BPIFB3: variants seen among roughly 807,000 people sequenced by gnomAD.
BPIFB3 encodes the protein BPI fold containing family B member 3, also known as BPI fold-containing family B member 3.
A neutral mutation model predicts 53.1 loss-of-function variants in BPIFB3; 49 were observed. That is an observed-to-expected ratio of 0.92 (90% CI 0.73 to 1.17). The LOEUF is 1.17. Among genes scored for constraint, BPIFB3 ranks in the 50% most tolerant of loss-of-function variants. BPIFB3 has a pLI of 0.00. For missense variants in BPIFB3, 628 were observed against 592.5 expected, an observed-to-expected ratio of 1.06 and a Z score of -0.62; for synonymous variants, 271 against 269.6, an observed-to-expected ratio of 1.01 and a Z score of -0.05.
intron 4 of BPIFB3, among the ~76,000 whole-genome samples, chr20:33,060,714 C>T (rs545677493): frequency 9.2e-5 from 14 of 152,204 alleles, no homozygotes; most frequent in Non-Finnish European, 1.5e-4. Context: ...GGATTACGGG[C>T]GCCCACCACC....
intron 2 of BPIFB3, among the ~76,000 whole-genome samples, chr20:33,057,754 C>T (rs555815061): frequency 4.6e-4 from 70 of 151,914 alleles, no homozygotes; most frequent in Non-Finnish European, 9.3e-4. Flanking sequence ...GATTCCAGAA[C>T]ACTCCTGCTG....
At chr20:33,071,160 C>T (rs1029859152) in intron 11 of BPIFB3, 93 bp from the exon 13 acceptor site, 3 of 1,225,046 alleles carry the variant, frequency 2.4e-6, no homozygotes, top group African/African-American at 3.3e-5. Context: ...AATCCTGTTT[C>T]CTGATGATGA....
At chr20:33,064,234 G>A (rs1245822841) in intron 6 of BPIFB3, among the ~76,000 whole-genome samples, 2 of 152,230 alleles carry the variant, frequency 1.3e-5, no homozygotes, top group African/African-American at 4.8e-5. Flanking sequence ...CTGGAAAACA[G>A]GAATCCTGGT....
chr20:33,059,312 A>T, intron 2 of BPIFB3, 66 bp from the exon 4 acceptor site: 1 of 1,263,692 alleles, frequency 7.9e-7, no homozygotes, highest in East Asian at 2.5e-5. Flanking sequence ...ACCAAGAGCC[A>T]CTCTGGGCGC....
exon 8 of BPIFB3, chr20:33,064,785 C>T: frequency 6.2e-7 from 1 of 1,614,112 alleles, no homozygotes. Context: ...ACCTCTTCAA[C>T]ACCACGTTTG....
upstream of BPIFB3, among the ~76,000 whole-genome samples, chr20:33,054,338 C>G (rs1044891696): frequency 6.6e-6 from 1 of 152,062 alleles, no homozygotes; most frequent in African/African-American, 2.4e-5. Context: ...AGACATGGTC[C>G]CTGCCTTCAT....
intron 8 of BPIFB3, among the ~76,000 whole-genome samples, chr20:33,065,585 G>T (rs1437062421): frequency 6.8e-6 from 1 of 147,250 alleles, no homozygotes; most frequent in Non-Finnish European, 1.5e-5. Flanking sequence ...GAGAAAAGAA[G>T]GAAGGAAGGA....
chr20:33,059,306 A>G (rs1980342456), intron 2 of BPIFB3, 72 bp from the exon 4 acceptor site: 1 of 1,151,926 alleles, frequency 8.7e-7, no homozygotes, highest in Non-Finnish European at 1.3e-6. Context: ...GACACCACCA[A>G]GAGCCACTCT....
chr20:33,063,740 G>A (rs1056624177), intron 6 of BPIFB3, 65 bp downstream of exon 7: 1 of 1,540,530 alleles, frequency 6.5e-7, no homozygotes, highest in Admixed American at 1.9e-5. Flanking sequence ...CCCCAATGGG[G>A]TAGGGTACGA....
chr20:33,065,108 A>G (rs1315194448), intron 8 of BPIFB3, among the ~76,000 whole-genome samples: 1 of 152,200 alleles, frequency 6.6e-6, no homozygotes, highest in Non-Finnish European at 1.5e-5. Context: ...CCAGGAGGTC[A>G]CTTTCAATTG....
At chr20:33,054,258 C>G (rs1352758351), upstream of BPIFB3, among the ~76,000 whole-genome samples, 3 of 152,042 alleles carry the variant, frequency 2.0e-5, no homozygotes, top group Non-Finnish European at 2.9e-5. Flanking sequence ...CAGTGACATG[C>G]TGCTGAATTT....
intron 12 of BPIFB3, 24 bp downstream of exon 13, chr20:33,071,319 G>A (rs750168467): frequency 2.5e-5 from 39 of 1,554,832 alleles, no homozygotes; most frequent in Non-Finnish European, 3.3e-5. Context: ...AGGGTGAGGG[G>A]CTTGGCAGTG....
intron 13 of BPIFB3, 87 bp from the exon 15 acceptor site, chr20:33,072,630 G>A (rs1980952378): frequency 2.7e-6 from 3 of 1,123,926 alleles, no homozygotes; most frequent in Admixed American, 3.6e-5. Context: ...GAAAGTGATG[G>A]AATAGGGTCA....
At chr20:33,070,653 G>A (rs556320076) in intron 11 of BPIFB3, among the ~76,000 whole-genome samples, 4 of 152,252 alleles carry the variant, frequency 2.6e-5, no homozygotes, top group Admixed American at 2.0e-4. Flanking sequence ...GACGTCCTAC[G>A]CCACAGGCAC....
intron 2 of BPIFB3, among the ~76,000 whole-genome samples, chr20:33,057,741 T>C (rs1184123265): frequency 6.6e-6 from 1 of 151,654 alleles, no homozygotes; most frequent in Non-Finnish European, 1.5e-5. Flanking sequence ...GTTGCTCATA[T>C]AGGATTCCAG....
chr20:33,071,790 G>A (rs1980907399), intron 12 of BPIFB3, among the ~76,000 whole-genome samples: 1 of 152,140 alleles, frequency 6.6e-6, no homozygotes, highest in African/African-American at 2.4e-5. Flanking sequence ...GACTGGAGCT[G>A]GGCACATTTC....
chr20:33,073,754 A>G, downstream of BPIFB3: 3 of 849,014 alleles, frequency 3.5e-6, no homozygotes, highest in Non-Finnish European at 5.6e-6. Flanking sequence ...TGGGGTGGGA[A>G]CTGCCTGGCT....
At chr20:33,058,076 G>A (rs1328790323) in intron 2 of BPIFB3, among the ~76,000 whole-genome samples, 1 of 152,140 alleles carries the variant, frequency 6.6e-6, no homozygotes, top group Non-Finnish European at 1.5e-5. Context: ...GTGTCTGTGT[G>A]TTTCATCACA....
At chr20:33,058,531 C>T (rs1378160929) in intron 2 of BPIFB3, among the ~76,000 whole-genome samples, 2 of 152,020 alleles carry the variant, frequency 1.3e-5, no homozygotes, top group Non-Finnish European at 2.9e-5. Context: ...TGCCAAGCAG[C>T]TGAAATAGAG....
Sources: allele counts gnomAD v4.1 joint callset (sites outside exome capture counted in the v4.1 genomes callset), GRCh38; gene constraint gnomAD v4.1.1; transcripts MANE v1.5; gene names NCBI Gene and HGNC (gene_info 2026-07-23, HGNC 2026-07-21).